C12orf42: variants seen among roughly 807,000 people sequenced by gnomAD.
C12orf42 encodes the protein uncharacterized protein C12orf42.
In C12orf42, 25 loss-of-function variants were observed where a neutral mutation model predicts 21.6. The ratio of observed to expected loss-of-function variants is 1.16; its 90% CI spans 0.84 to 1.62. The LOEUF (loss-of-function observed/expected upper bound fraction) is 1.62. Ranked by LOEUF, C12orf42 falls within the 40% of genes most tolerant of loss-of-function variation. The pLI, the probability that C12orf42 is intolerant of heterozygous loss-of-function variation, is 0.00. For synonymous variants in C12orf42, 174 were observed against 175.0 expected, an observed-to-expected ratio of 0.99 and a Z score of 0.05; for missense variants, 483 against 459.3, an observed-to-expected ratio of 1.05 and a Z score of -0.47.
chr12:103,510,158 T>C, the C12orf42 span, among the ~76,000 whole-genome samples: 755 of 152,280 alleles, frequency 5.0e-3, 4 homozygotes, highest in African/African-American at 0.017. Context: ...TATATATACA[T>C]TGGAATACTA....
chr12:103,113,153 G>C, the C12orf42 span, among the ~76,000 whole-genome samples: 2 of 151,884 alleles, frequency 1.3e-5, no homozygotes, highest in Admixed American at 1.3e-4. Context: ...TTTGTTCAGT[G>C]CTTTTTATTT....
intron 2 of C12orf42, among the ~76,000 whole-genome samples, chr12:103,449,376 CAT>C (rs1565847235): frequency 6.6e-6 from 1 of 151,780 alleles, no homozygotes; most frequent in Non-Finnish European, 1.5e-5. Context: ...AAAGACTACA[CAT>C]AGAGTACAGT....
the C12orf42 span, among the ~76,000 whole-genome samples, chr12:103,087,124 C>T: frequency 3.3e-5 from 5 of 152,082 alleles, no homozygotes; most frequent in African/African-American, 7.2e-5. Context: ...AGTAGGTACA[C>T]GTGCAGGTTT....
chr12:103,248,942 T>C (rs1304025300), intron 10 of C12orf42, among the ~76,000 whole-genome samples: 2 of 152,066 alleles, frequency 1.3e-5, no homozygotes, highest in Admixed American at 1.3e-4. Context: ...TAGACATGGT[T>C]CATTCTCTGT....
rs11111591 is a variant in C12orf42, at chr12:103,463,050, A to G, written c.78+15299T>C. On this transcript the variant is annotated intron_variant, in intron 2 of 5. Coordinates refer to ENST00000548883, the MANE Select transcript of C12orf42 (RefSeq NM_198521.5). ...TAATGAAACTATTCCCTCATTTCCA[A>G]CTGAAAAGGAGACTGATATATAATG... 0.012 allele frequency among the ~76,000 whole-genome samples: 1,892 copies of G among 152,298 alleles called. 216 individuals are homozygous for G. The East Asian group carries it at 0.26, about 21-fold the overall frequency.
chr12:103,437,464 G>A (rs1225170946), intron 2 of C12orf42, among the ~76,000 whole-genome samples: 2 of 152,022 alleles, frequency 1.3e-5, no homozygotes, highest in African/African-American at 2.4e-5. Context: ...ATGAATCCAG[G>A]AGCTGGTTTT....
the C12orf42 span, among the ~76,000 whole-genome samples, chr12:103,087,314 T>G: frequency 6.6e-6 from 1 of 152,200 alleles, no homozygotes; most frequent in Non-Finnish European, 1.5e-5. Flanking sequence ...TTTGCTTTGG[T>G]GCAGAGATGC....
the C12orf42 span, among the ~76,000 whole-genome samples, chr12:103,101,949 G>T: frequency 6.6e-6 from 1 of 152,190 alleles, no homozygotes; most frequent in Non-Finnish European, 1.5e-5. Flanking sequence ...TGCTCACATG[G>T]GGCTGCATGG....
At chr12:103,383,844 A>G (rs2046375802) in intron 3 of C12orf42, among the ~76,000 whole-genome samples, 1 of 152,240 alleles carries the variant, frequency 6.6e-6, no homozygotes, top group African/African-American at 2.4e-5. Flanking sequence ...TAAGGTGCCT[A>G]GTCCAGAGCA....
In C12orf42 at chr12:103,354,964, A is replaced by T. The variant is rs139472037; in HGVS notation, c.259+13923T>A. Reference sequence around the variant, plus strand: ...TGTTTGAGTGATGGATAAGCTAATTACCCTGATGTATCATTACAAAATGAA... The same window carrying T: ...TGTTTGAGTGATGGATAAGCTAATTTCCCTGATGTATCATTACAAAATGAA... On this transcript the variant is annotated intron_variant, in intron 4 of 5. Coordinates refer to ENST00000548883, the MANE Select transcript of C12orf42 (RefSeq NM_198521.5). 8.1e-4 allele frequency among the ~76,000 whole-genome samples: 124 copies of T among 152,238 alleles called. 1 individual carries two copies. Among genetic ancestry groups the T allele is most frequent in the African/African-American group, 2.5e-3 (105 of 41,564 alleles).
At chr12:103,350,563 A>G (rs959944032) in intron 4 of C12orf42, among the ~76,000 whole-genome samples, 9 of 152,186 alleles carry the variant, frequency 5.9e-5, no homozygotes, top group Admixed American at 2.0e-4. Context: ...ACTTCATCAT[A>G]TCTATGTATA....
chr12:103,257,429 A>C (rs2034668241), intron 10 of C12orf42, among the ~76,000 whole-genome samples: 1 of 152,216 alleles, frequency 6.6e-6, no homozygotes, highest in Non-Finnish European at 1.5e-5. Context: ...CATGCTTAAA[A>C]AGTTATACCC....
chr12:103,468,931 C>A (rs200582646), intron 2 of C12orf42, among the ~76,000 whole-genome samples: 1 of 152,170 alleles, frequency 6.6e-6, no homozygotes, highest in East Asian at 1.9e-4. Context: ...GGGTAATTTA[C>A]TCCAGTAAAA....
the C12orf42 span, among the ~76,000 whole-genome samples, chr12:103,158,195 T>C: frequency 1.3e-5 from 2 of 152,224 alleles, no homozygotes; most frequent in East Asian, 3.9e-4. Flanking sequence ...ATGAATTTTG[T>C]TATTTTCTTG....
intron 2 of C12orf42, among the ~76,000 whole-genome samples, chr12:103,436,524 A>G (rs1360354240): frequency 1.3e-5 from 2 of 151,260 alleles, no homozygotes; most frequent in African/African-American, 4.9e-5. Flanking sequence ...GTGCAGAGAC[A>G]CACATAGGCT....
intron 1 of C12orf42, among the ~76,000 whole-genome samples, chr12:103,482,541 T>A (rs773721875): frequency 6.6e-6 from 1 of 152,122 alleles, no homozygotes; most frequent in African/African-American, 2.4e-5. Flanking sequence ...TGTGTGTATA[T>A]GAATGTGGAT....
At chr12:103,278,208 T>C (rs1411977937) in intron 4 of C12orf42, among the ~76,000 whole-genome samples, 1 of 152,146 alleles carries the variant, frequency 6.6e-6, no homozygotes. Context: ...GGGGGGGCTA[T>C]GTCTACCAGA....
At chr12:103,414,268 C>A (rs548841453) in intron 2 of C12orf42, among the ~76,000 whole-genome samples, 2 of 151,994 alleles carry the variant, frequency 1.3e-5, no homozygotes, top group Non-Finnish European at 2.9e-5. Flanking sequence ...TGTTTGTTGG[C>A]CATTTGCATA....
the C12orf42 span, among the ~76,000 whole-genome samples, chr12:103,194,715 A>G: frequency 3.9e-5 from 6 of 152,290 alleles, no homozygotes; most frequent in Middle Eastern, 3.4e-3. Flanking sequence ...AATTGGAAGA[A>G]TTAATATTGT....
Sources: gnomAD v4.1 joint callset for allele counts (sites outside exome capture counted in the v4.1 genomes callset) on GRCh38, gnomAD v4.1.1 for gene constraint, MANE v1.5 for transcripts, NCBI Gene and HGNC (gene_info 2026-07-23, HGNC 2026-07-21) for gene names.